Variants in VPS13D observed in about 807,000 individuals in gnomAD.
VPS13D encodes the protein vacuolar protein sorting 13 homolog D, also known as intermembrane lipid transfer protein VPS13D.
A neutral mutation model predicts 461.9 loss-of-function variants in VPS13D; 187 were observed. That is an observed-to-expected ratio of 0.40 (90% confidence interval 0.36 to 0.46). VPS13D has a LOEUF of 0.46. VPS13D is among the 20% of genes least tolerant of loss of function. VPS13D has a pLI of 0.60. For synonymous variants in VPS13D, 1,951 were observed against 1,986.3 expected, an observed-to-expected ratio of 0.98 and a Z score of 0.47; for missense variants, 4,711 against 5,364.9, an observed-to-expected ratio of 0.88 and a Z score of 3.81.
intron 1 of VPS13D, among the ~76,000 whole-genome samples, chr1:12,232,359 A>G (rs1640006594): frequency 6.6e-6 from 1 of 152,180 alleles, no homozygotes; most frequent in Non-Finnish European, 1.5e-5. Flanking sequence ...GCAGCCTCTC[A>G]GTTGGGATAG....
intron 25 of VPS13D, among the ~76,000 whole-genome samples, chr1:12,301,182 T>G (rs1161540785): frequency 6.6e-6 from 1 of 152,248 alleles, no homozygotes; most frequent in African/African-American, 2.4e-5. Context: ...CCAGATGTGT[T>G]GGGTTTTCCC....
chr1:12,446,423 G>GAA (rs111756019), intron 65 of VPS13D, among the ~76,000 whole-genome samples: 4 of 100,608 alleles, frequency 4.0e-5, no homozygotes, highest in African/African-American at 7.4e-5. Context: ...TCTCAAAAAA[G>GAA]AAAAAAAAAA....
intron 46 of VPS13D, among the ~76,000 whole-genome samples, chr1:12,352,390 C>T (rs1440568631): frequency 6.6e-6 from 1 of 151,918 alleles, no homozygotes; most frequent in African/African-American, 2.4e-5. Context: ...TCCTACAGAT[C>T]AACAATAAAA....
intron 5 of VPS13D, 26 bp downstream of exon 5, chr1:12,244,643 G>T: frequency 6.3e-7 from 1 of 1,595,692 alleles, no homozygotes; most frequent in Non-Finnish European, 8.6e-7. Flanking sequence ...TTTTATAAAA[G>T]TATCAACGTG....
intron 21 of VPS13D, among the ~76,000 whole-genome samples, chr1:12,286,866 A>G (rs1379445190): frequency 6.6e-6 from 1 of 152,016 alleles, no homozygotes; most frequent in Non-Finnish European, 1.5e-5. Context: ...CATTATTTTT[A>G]TTTTATCTTT....
intron 24 of VPS13D, among the ~76,000 whole-genome samples, chr1:12,298,557 A>G (rs763654165): frequency 2.0e-5 from 3 of 151,584 alleles, no homozygotes; most frequent in Admixed American, 6.6e-5. Flanking sequence ...TGAGAATCTC[A>G]CTTGAGGCCA....
At chr1:12,251,970 G>A (rs992977166) in intron 6 of VPS13D, among the ~76,000 whole-genome samples, 6 of 152,072 alleles carry the variant, frequency 3.9e-5, no homozygotes, top group Non-Finnish European at 5.9e-5. Flanking sequence ...GGGAGAAACC[G>A]TCCCATGCGT....
At chr1:12,288,684 G>C (rs1391318660) in intron 22 of VPS13D, among the ~76,000 whole-genome samples, 1 of 151,662 alleles carries the variant, frequency 6.6e-6, no homozygotes, top group Non-Finnish European at 1.5e-5. Context: ...GAGAGTTAAA[G>C]GGGACATCAT....
Position 12,415,180 on chromosome 1 carries a change from A to G in VPS13D, c.12124A>G (p.Lys4042Glu), listed in dbSNP as rs1164273390. 6.2e-7 allele frequency: 1 copy of G among 1,614,182 alleles called. No homozygotes were observed. Among genetic ancestry groups the G allele is most frequent in the Non-Finnish European group, 8.5e-7 (1 of 1,180,012 alleles). ...CACTCGGGTACATCCCTATGAGACC[A>G]AGGAGTTCATCATCAATGATATCCT... ...PFTRVHPYET[K>E]EFIINDILKH... The change falls in exon 64 of 70, where the codon AAG (lysine) becomes GAG (glutamate). Residue 4042 changes from lysine (K) to glutamate (E), a missense_variant. Physicochemically the swap from Lys to Glu is moderately conservative, Grantham distance 56. Coordinates refer to ENST00000620676, the MANE Select transcript of VPS13D (RefSeq NM_015378.4).
At chr1:12,343,702 C>A (rs1643617567) in intron 42 of VPS13D, among the ~76,000 whole-genome samples, 1 of 152,134 alleles carries the variant, frequency 6.6e-6, no homozygotes, top group African/African-American at 2.4e-5. Flanking sequence ...GACTTTGCTG[C>A]CATCTTGGAA....
At chr1:12,445,693 G>GA (rs1004301897) in intron 65 of VPS13D, among the ~76,000 whole-genome samples, 21 of 151,920 alleles carry the variant, frequency 1.4e-4, no homozygotes, top group African/African-American at 5.1e-4. Flanking sequence ...TAGCCCATCT[G>GA]AAAAAAAATG....
chr1:12,483,275 C>G (rs181018224), intron 67 of VPS13D, among the ~76,000 whole-genome samples: 1 of 152,336 alleles, frequency 6.6e-6, no homozygotes, highest in East Asian at 1.9e-4. Context: ...TACTCAGAAC[C>G]AGGCATTGTT....
In VPS13D at chr1:12,502,637, T is replaced by C. The variant is rs554931646; in HGVS notation, c.12795-4216T>C. ...AGAATCAGGTATATAAATGAGTTAA[T>C]ATCGAAAAAAAAAAAAAAGAGCAGG... On this transcript the variant is annotated intron_variant, in intron 68 of 69. Transcript: ENST00000620676. The surrounding 1 kb of genome is among the most constrained non-coding windows in gnomAD (Gnocchi z 4.3). 4.3e-4 allele frequency among the ~76,000 whole-genome samples: 59 copies of C among 137,034 alleles called. No individual in the cohort carries two copies. The highest frequency in any genetic ancestry group is 1.6e-3 in the African/African-American group (56 of 33,990). The allele number at this position is 137,034 out of a possible 152,430, so 89.9% of individuals were successfully genotyped here.
At chr1:12,305,445 T>G (rs368663416) in intron 26 of VPS13D, among the ~76,000 whole-genome samples, 2 of 151,908 alleles carry the variant, frequency 1.3e-5, no homozygotes, top group Non-Finnish European at 2.9e-5. Context: ...CAGCTAATTT[T>G]TGTGTGTGTG....
chr1:12,335,971 C>A, intron 39 of VPS13D, 144 bp downstream of exon 39: 1 of 1,248,156 alleles, frequency 8.0e-7, no homozygotes. Flanking sequence ...CTGTTTTAGT[C>A]TTTGCAGGAG....
intron 29 of VPS13D, among the ~76,000 whole-genome samples, chr1:12,312,708 A>G (rs1569878198): frequency 6.6e-6 from 1 of 152,202 alleles, no homozygotes; most frequent in Non-Finnish European, 1.5e-5. Context: ...GCAGTGAGCC[A>G]TGATCACACC....
intron 32 of VPS13D, among the ~76,000 whole-genome samples, chr1:12,321,544 G>A (rs993708651): frequency 1.3e-5 from 2 of 152,102 alleles, no homozygotes; most frequent in African/African-American, 4.8e-5. Context: ...TTCCTAGAGA[G>A]AAGTAGGATT....
rs1643225558 is a variant in VPS13D at position 12,327,653 on chromosome 1, T to C, written c.7996T>C (p.Leu2666=). Residue 2666 remains leucine (L), a synonymous_variant, in exon 36 of 70, where the codon TTG becomes CTG. Transcript: ENST00000620676. ...ACTTCTTAATTTCTTTGAAGGCCAA[T>C]TGAAAAAGGCAGCAAGTTGGTTGTT... ...RKALLACQGQ[L]KKAASWLFKN... 6.2e-7 allele frequency: 1 copy of C among 1,613,980 alleles called. No homozygotes were observed. The highest frequency in any genetic ancestry group is 1.1e-5 in the South Asian group (1 of 91,068).
Position 12,283,073 on chromosome 1 carries a change from C to T in VPS13D, c.4971C>T (p.Asp1657=), listed in dbSNP as rs1304040390. The change falls in exon 21 of 70, where the codon GAC becomes GAT. Residue 1657 remains aspartate (D), a synonymous_variant. Coordinates refer to ENST00000620676, the MANE Select transcript of VPS13D (RefSeq NM_015378.4). ...FQDFEVEFSK[D]HPQTLSIQIA... Reference sequence around the variant, plus strand: ...ACTTTGAGGTGGAATTCAGTAAAGACCATCCCCAGACTTTATCTATTCAGA... The same window carrying T: ...ACTTTGAGGTGGAATTCAGTAAAGATCATCCCCAGACTTTATCTATTCAGA... 1 of 1,614,142 alleles carries T rather than the reference C, an allele frequency of 6.2e-7. No individual in the cohort carries two copies. The highest frequency in any genetic ancestry group is 1.1e-5 in the South Asian group (1 of 91,070).
Sources: allele counts gnomAD v4.1 joint callset (sites outside exome capture counted in the v4.1 genomes callset), GRCh38; gene constraint gnomAD v4.1.1; non-coding constraint Gnocchi (gnomAD v3.1); transcripts MANE v1.5; gene names NCBI Gene and HGNC (gene_info 2026-07-23, HGNC 2026-07-21).